YWHAB: variants seen among roughly 807,000 people sequenced by gnomAD.
YWHAB encodes the protein 14-3-3 protein beta/alpha.
Under a neutral mutation model 28.5 loss-of-function variants are expected in YWHAB, and 2 were observed. The observed-to-expected ratio is 0.07, with a 90% CI of 0.03 to 0.22. YWHAB has a LOEUF of 0.22. Among genes scored for constraint, YWHAB ranks in the 10% least tolerant of loss-of-function variants. The probability of loss-of-function intolerance (pLI) is 1.00; values close to 1 mark genes in which losing one functional copy is unlikely to be tolerated. For synonymous variants in YWHAB, 103 were observed against 104.7 expected, an observed-to-expected ratio of 0.98 and a Z score of 0.10; for missense variants, 148 against 297.1, an observed-to-expected ratio of 0.50 and a Z score of 3.69.
intron 4 of YWHAB, 191 bp from the exon 5 acceptor site, chr20:44,905,810 T>G: frequency 9.9e-6 from 5 of 505,430 alleles, no homozygotes; most frequent in South Asian, 3.3e-5. Flanking sequence ...GTTTCTGTCA[T>G]TGTTGGTTGG....
At chr20:44,898,062 G>A (rs1196984682) in intron 1 of YWHAB, among the ~76,000 whole-genome samples, 2 of 152,168 alleles carry the variant, frequency 1.3e-5, no homozygotes, top group African/African-American at 2.4e-5. Context: ...TGGAAGTAGC[G>A]TCATTTCTAC....
chr20:44,888,879 CAGT>C (rs1302060499), intron 1 of YWHAB, among the ~76,000 whole-genome samples: 8 of 152,172 alleles, frequency 5.3e-5, no homozygotes, highest in Non-Finnish European at 1.2e-4. Flanking sequence ...ACGACTTCAT[CAGT>C]AGATGTTCAG....
At chr20:44,888,573 G>C (rs921768237) in intron 1 of YWHAB, among the ~76,000 whole-genome samples, 1 of 152,156 alleles carries the variant, frequency 6.6e-6, no homozygotes, top group African/African-American at 2.4e-5. Context: ...TGTTTTATGT[G>C]AACACCATTT....
intron 1 of YWHAB, among the ~76,000 whole-genome samples, chr20:44,899,089 G>A (rs958214176): frequency 6.6e-6 from 1 of 152,196 alleles, no homozygotes; most frequent in Non-Finnish European, 1.5e-5. Flanking sequence ...TCCAGCCTGG[G>A]TGACAGAATG....
chr20:44,886,331 C>T (rs2145519571), intron 1 of YWHAB: 1 of 152,514 alleles, frequency 6.6e-6, no homozygotes, highest in East Asian at 1.9e-4. Context: ...TTTCTAGCCC[C>T]AGTCCCCGTG....
At chr20:44,890,145 T>C (rs1031158656) in intron 1 of YWHAB, among the ~76,000 whole-genome samples, 2 of 152,226 alleles carry the variant, frequency 1.3e-5, no homozygotes, top group Non-Finnish European at 2.9e-5. Context: ...TAGTGAACTT[T>C]TTGTATAGCG....
intron 1 of YWHAB, chr20:44,886,507 G>C (rs949855425): frequency 1.3e-5 from 2 of 152,226 alleles, no homozygotes; most frequent in East Asian, 1.9e-4. Context: ...AAGAAAATCT[G>C]TTTGTTGGAG....
rs765793345 is a variant in YWHAB, at chr20:44,901,637, G to C, written c.104G>C (p.Gly35Ala). 1 of 1,614,098 alleles carries C rather than the reference G, an allele frequency of 6.2e-7. No individual in the cohort carries two copies. The highest frequency in any genetic ancestry group is 1.7e-5 in the Admixed American group (1 of 60,014). Residue 35 changes from glycine (G) to alanine (A), a missense_variant, in exon 2 of 6, where the codon GGG becomes GCG. Coordinates refer to ENST00000353703, the MANE Select transcript of YWHAB (RefSeq NM_139323.4). ...GCCATGAAGGCAGTCACAGAACAGGGGCATGAACTCTCCAACGAAGAGAGA... is the reference window on the plus strand; with the variant it reads ...GCCATGAAGGCAGTCACAGAACAGGCGCATGAACTCTCCAACGAAGAGAGA... Reference protein sequence around the residue: ...AAAMKAVTEQGHELSNEERNL... With the variant: ...AAAMKAVTEQAHELSNEERNL...
intron 2 of YWHAB, 173 bp from the exon 3 acceptor site, chr20:44,903,820 G>T: frequency 1.7e-6 from 1 of 605,522 alleles, no homozygotes. Context: ...AAGAATACAG[G>T]CATCTGCTGT....
chr20:44,888,284 A>C (rs2066539826), intron 1 of YWHAB, among the ~76,000 whole-genome samples: 1 of 152,254 alleles, frequency 6.6e-6, no homozygotes, highest in African/African-American at 2.4e-5. Context: ...TCAGACAATT[A>C]GTCTATAATA....
chr20:44,898,986 C>T (rs1340425208), intron 1 of YWHAB, among the ~76,000 whole-genome samples: 4 of 151,942 alleles, frequency 2.6e-5, no homozygotes, highest in Non-Finnish European at 5.9e-5. Context: ...TGTGGTGGTG[C>T]ATGCCAGCAG....
intron 1 of YWHAB, among the ~76,000 whole-genome samples, chr20:44,893,694 C>CTT (rs3091859): frequency 0.26 from 26,527 of 103,822 alleles, 3,975 homozygotes; most frequent in African/African-American, 0.33. Context: ...CCTCCCCTGC[C>CTT]TTTTTTTTTT....
intron 1 of YWHAB, among the ~76,000 whole-genome samples, chr20:44,891,180 G>A (rs1322265608): frequency 5.9e-5 from 9 of 151,512 alleles, no homozygotes; most frequent in Non-Finnish European, 2.9e-5. Flanking sequence ...GTGCAGTGGC[G>A]TGATCTCAGC....
intron 2 of YWHAB, 182 bp downstream of exon 2, chr20:44,902,015 G>GA: frequency 1.8e-6 from 1 of 570,394 alleles, no homozygotes; most frequent in Non-Finnish European, 2.8e-6. Context: ...TGCCTGATCA[G>GA]AGGTTGTACA....
chr20:44,898,354 T>C (rs1241428741), intron 1 of YWHAB, among the ~76,000 whole-genome samples: 3 of 152,200 alleles, frequency 2.0e-5, no homozygotes, highest in African/African-American at 7.2e-5. Flanking sequence ...GAATCAATTC[T>C]TTCTGAATCA....
intron 1 of YWHAB, among the ~76,000 whole-genome samples, chr20:44,895,948 G>T (rs2066593294): frequency 6.6e-6 from 1 of 152,178 alleles, no homozygotes; most frequent in African/African-American, 2.4e-5. Context: ...TGTTCATTCA[G>T]CAGATATTTG....
chr20:44,901,998 C>A, intron 2 of YWHAB, 165 bp downstream of exon 2: 1 of 674,232 alleles, frequency 1.5e-6, no homozygotes, highest in Non-Finnish European at 2.3e-6. Context: ...TAATTTGTGT[C>A]ACCTATTGCC....
chr20:44,901,875 T>A, intron 2 of YWHAB, 42 bp downstream of exon 2: 1 of 1,534,404 alleles, frequency 6.5e-7, no homozygotes, highest in Non-Finnish European at 8.8e-7. Flanking sequence ...GGTTTCTAAA[T>A]AGTATTAATT....
At chr20:44,900,231 A>G (rs934286564) in intron 1 of YWHAB, among the ~76,000 whole-genome samples, 32 of 152,104 alleles carry the variant, frequency 2.1e-4, no homozygotes, top group African/African-American at 3.9e-4. Context: ...CTTCTTTTGT[A>G]GAGATGAAGT....
Sources: allele counts gnomAD v4.1 joint callset (sites outside exome capture counted in the v4.1 genomes callset), GRCh38; gene constraint gnomAD v4.1.1; transcripts MANE v1.5; gene names NCBI Gene and HGNC (gene_info 2026-07-23, HGNC 2026-07-21).